The following VPS50 variants were observed in gnomAD, a reference collection of about 807,000 sequenced individuals.
The protein encoded by VPS50 is syndetin.
VPS50 carries 70 observed loss-of-function variants against 139.7 expected under a neutral mutation model. That is an observed-to-expected ratio of 0.50 (90% CI 0.41 to 0.61). VPS50 has a LOEUF of 0.61. VPS50 is among the 20% of genes least tolerant of loss of function. The pLI, the probability that VPS50 is intolerant of heterozygous loss-of-function variation, is 0.00. For missense variants in VPS50, 921 were observed against 1,133.7 expected (o/e 0.81, Z 2.69); for synonymous variants, 365 against 376.7 (o/e 0.97, Z 0.36).
intron 20 of VPS50, among the ~76,000 whole-genome samples, chr7:93,313,660 TAAC>T (rs1797336372): frequency 1.3e-5 from 2 of 152,206 alleles, no homozygotes; most frequent in Non-Finnish European, 2.9e-5. Flanking sequence ...CAGATGTTAG[TAAC>T]AACAAATTTT....
chr7:93,241,236 C>T (rs996225814), intron 2 of VPS50, among the ~76,000 whole-genome samples: 23 of 151,964 alleles, frequency 1.5e-4, no homozygotes, highest in Non-Finnish European at 3.2e-4. Context: ...TGATGTTTTC[C>T]CAGTACTGGT....
chr7:93,328,289 A>G (rs1234353059), intron 21 of VPS50, among the ~76,000 whole-genome samples: 1 of 152,166 alleles, frequency 6.6e-6, no homozygotes, highest in East Asian at 1.9e-4. Flanking sequence ...CATAGCAGAC[A>G]CTCATGGCAT....
intron 1 of VPS50, among the ~76,000 whole-genome samples, chr7:93,237,756 T>A (rs1386957477): frequency 2.6e-5 from 4 of 152,232 alleles, no homozygotes; most frequent in Non-Finnish European, 5.9e-5. Context: ...AAATTTTTTT[T>A]ATTTTTAGTT....
At chr7:93,297,717 G>T (rs1047901865) in intron 16 of VPS50, among the ~76,000 whole-genome samples, 1 of 152,076 alleles carries the variant, frequency 6.6e-6, no homozygotes, top group African/African-American at 2.4e-5. Flanking sequence ...GCATTGCTTT[G>T]CAAAACAATC....
intron 14 of VPS50, among the ~76,000 whole-genome samples, chr7:93,296,253 A>G (rs1379623699): frequency 6.6e-6 from 1 of 152,168 alleles, no homozygotes; most frequent in African/African-American, 2.4e-5. Context: ...TATTAAACTC[A>G]TAACCATATT....
At chr7:93,338,356 A>G (rs1798120766) in intron 22 of VPS50, among the ~76,000 whole-genome samples, 1 of 152,210 alleles carries the variant, frequency 6.6e-6, no homozygotes, top group African/African-American at 2.4e-5. Flanking sequence ...GTTGAAAGCA[A>G]TGAAGAAATT....
intron 25 of VPS50, among the ~76,000 whole-genome samples, chr7:93,353,341 A>G (rs1798610122): frequency 6.6e-6 from 1 of 152,210 alleles, no homozygotes; most frequent in Non-Finnish European, 1.5e-5. Flanking sequence ...TGTACTGACA[A>G]CCATAGAAAA....
chr7:93,253,815 A>T, intron 3 of VPS50, 45 bp from the exon 4 acceptor site: 1 of 1,134,658 alleles, frequency 8.8e-7, no homozygotes. Context: ...AAACCAAATT[A>T]AACAATTTAT....
rs963788499 is a variant in VPS50 at position 93,360,132 on chromosome 7, C to A, written c.*1696C>A. ...GAGCTAATCAATCTTTTAAAATTTG[C>A]AGTTGATGAAGAGCTGCTTATTTTT... On this transcript the variant is annotated 3_prime_UTR_variant, in exon 28 of 28. Coordinates refer to ENST00000305866, the MANE Select transcript of VPS50 (RefSeq NM_017667.4). The A allele has an allele frequency of 6.6e-6, 1 of 152,016 alleles. No individual in the cohort carries two copies. The highest frequency in any genetic ancestry group is 1.5e-5 in the Non-Finnish European group (1 of 67,992). 9.4% of individuals were successfully genotyped at this position (152,016 alleles called of 1,614,324 possible). A position where few individuals can be genotyped will look rare whatever the true frequency, so the allele number is the denominator to read the frequency against.
At chr7:93,285,928 C>T (rs1019966319) in intron 12 of VPS50, among the ~76,000 whole-genome samples, 4 of 152,048 alleles carry the variant, frequency 2.6e-5, no homozygotes, top group Non-Finnish European at 2.9e-5. Context: ...CTTTTATGAT[C>T]GCCAAATTTA....
chr7:93,256,811 G>C (rs760334770), intron 5 of VPS50, among the ~76,000 whole-genome samples: 24 of 151,992 alleles, frequency 1.6e-4, no homozygotes, highest in Non-Finnish European at 2.9e-4. Context: ...TCAAACTTTA[G>C]AAGAGCCAGT....
intron 20 of VPS50, among the ~76,000 whole-genome samples, chr7:93,322,790 G>GAGAC (rs1469785431): frequency 2.0e-5 from 3 of 152,078 alleles, no homozygotes; most frequent in African/African-American, 7.2e-5. Context: ...CCACAAAAAA[G>GAGAC]AGACAGAACT....
At chr7:93,236,220 C>T (rs556140899) in intron 1 of VPS50, among the ~76,000 whole-genome samples, 12 of 152,260 alleles carry the variant, frequency 7.9e-5, no homozygotes, top group Admixed American at 7.8e-4. Context: ...GAGAAATGTG[C>T]TTTTGGATTG....
intron 12 of VPS50, among the ~76,000 whole-genome samples, chr7:93,289,893 T>C (rs1385004486): frequency 6.6e-6 from 1 of 152,054 alleles, no homozygotes; most frequent in Non-Finnish European, 1.5e-5. Flanking sequence ...AAAATTGACA[T>C]CTTGATGATG....
At position 93,354,538 on chromosome 7, in the gene VPS50, G is replaced by A. The variant is rs10268019; in HGVS notation, c.2585+777G>A. On this transcript the variant is annotated intron_variant, in intron 26 of 27. Coordinates refer to ENST00000305866, the MANE Select transcript of VPS50 (RefSeq NM_017667.4). ...TGATCTCCTGGCCTCAAGTTGATCC[G>A]CCCACCTAAGCCTCCCAAAGTACTG... is the stretch of plus-strand genomic sequence containing the variant. Among the ~76,000 whole-genome samples, 745 of 151,890 alleles carry A rather than the reference G, an allele frequency of 4.9e-3. 6 individuals carry two copies. The highest frequency in any genetic ancestry group is 0.017 in the African/African-American group (716 of 41,450).
chr7:93,251,472 C>T (rs1410213396), intron 2 of VPS50, among the ~76,000 whole-genome samples: 1 of 118,310 alleles, frequency 8.5e-6, no homozygotes, highest in Non-Finnish European at 1.6e-5. Flanking sequence ...GGGAGTTGAA[C>T]AATGAGAACA....
At chr7:93,274,109 A>G (rs1454720620) in intron 11 of VPS50, among the ~76,000 whole-genome samples, 1 of 152,114 alleles carries the variant, frequency 6.6e-6, no homozygotes, top group Admixed American at 6.6e-5. Flanking sequence ...TCTGAGGTAC[A>G]GCAGTATTGA....
intron 21 of VPS50, among the ~76,000 whole-genome samples, chr7:93,330,533 C>T (rs1472328965): frequency 6.6e-6 from 1 of 151,946 alleles, no homozygotes. Flanking sequence ...GTGGAAGGGT[C>T]ACTTGAGCCC....
At chr7:93,265,162 T>C (rs1186374946) in intron 9 of VPS50, among the ~76,000 whole-genome samples, 3 of 151,932 alleles carry the variant, frequency 2.0e-5, no homozygotes, top group Non-Finnish European at 2.9e-5. Context: ...TTAAAAAATA[T>C]ATACATAATA....
Sources: gnomAD v4.1 joint callset for allele counts (sites outside exome capture counted in the v4.1 genomes callset) on GRCh38, gnomAD v4.1.1 for gene constraint, MANE v1.5 for transcripts, NCBI Gene and HGNC (gene_info 2026-07-23, HGNC 2026-07-21) for gene names.